The following JMJD1C variants were observed in gnomAD, a reference collection of about 807,000 sequenced individuals.
The protein encoded by JMJD1C is jumonji domain-containing protein 1C.
A neutral mutation model predicts 245.3 loss-of-function variants in JMJD1C; 31 were observed. The observed-to-expected ratio is 0.13, with a 90% CI of 0.09 to 0.17. The LOEUF (loss-of-function observed/expected upper bound fraction) is 0.17. Among genes scored for constraint, JMJD1C ranks in the 10% least tolerant of loss-of-function variants. The pLI, the probability that JMJD1C is intolerant of heterozygous loss-of-function variation, is 1.00. For synonymous variants in JMJD1C, 1,057 were observed against 1,017.4 expected (o/e 1.04, Z -0.74); for missense variants, 2,691 against 3,000.2 (o/e 0.90, Z 2.41).
At chr10:63,347,106 T>A (rs1011857850) in intron 2 of JMJD1C, among the ~76,000 whole-genome samples, 2 of 149,232 alleles carry the variant, frequency 1.3e-5, no homozygotes, top group Non-Finnish European at 3.0e-5. Flanking sequence ...AGTCTCACTC[T>A]GTCACCCAGG....
chr10:63,230,098 T>C (rs1435574314), intron 3 of JMJD1C, among the ~76,000 whole-genome samples: 2 of 152,180 alleles, frequency 1.3e-5, no homozygotes, highest in Non-Finnish European at 2.9e-5. Context: ...ATAAGCTGGG[T>C]GCAGTGGCTC....
chr10:63,276,980 C>A (rs948022485), intron 2 of JMJD1C, among the ~76,000 whole-genome samples: 1 of 147,822 alleles, frequency 6.8e-6, no homozygotes, highest in African/African-American at 2.5e-5. Flanking sequence ...CTCCCGGGTT[C>A]ATGCCATTCT....
chr10:63,277,674 A>T (rs1856931849), intron 2 of JMJD1C, among the ~76,000 whole-genome samples: 1 of 151,372 alleles, frequency 6.6e-6, no homozygotes, highest in African/African-American at 2.4e-5. Flanking sequence ...GAAAATTTTT[A>T]AAAAACAAAT....
At chr10:63,249,742 C>T (rs1035761446) in intron 3 of JMJD1C, among the ~76,000 whole-genome samples, 1 of 151,978 alleles carries the variant, frequency 6.6e-6, no homozygotes, top group Non-Finnish European at 1.5e-5. Context: ...CGCCTGTAGT[C>T]CCAACTACTC....
At chr10:63,365,631 T>C (rs558798713) in intron 2 of JMJD1C, among the ~76,000 whole-genome samples, 2 of 152,278 alleles carry the variant, frequency 1.3e-5, no homozygotes, top group African/African-American at 4.8e-5. Flanking sequence ...ATGCTAAAGA[T>C]GGACTATTTG....
intron 2 of JMJD1C, among the ~76,000 whole-genome samples, chr10:63,328,018 C>T (rs1395955589): frequency 1.3e-5 from 2 of 151,992 alleles, no homozygotes; most frequent in Non-Finnish European, 2.9e-5. Context: ...CTCACGCCTG[C>T]AATCCCAACA....
chr10:63,343,301 G>A (rs1400139545), intron 2 of JMJD1C, among the ~76,000 whole-genome samples: 1 of 151,720 alleles, frequency 6.6e-6, no homozygotes, highest in Non-Finnish European at 1.5e-5. Flanking sequence ...AGAAAGTGGA[G>A]GACACAGTGA....
rs573482460 is a variant in JMJD1C at position 63,341,373 on chromosome 10, A to AG, written c.333+38944_333+38945insC. Among the ~76,000 whole-genome samples, 115 of 152,354 alleles carry AG rather than the reference A, an allele frequency of 7.5e-4. 1 individual carries two copies. The East Asian group carries it at 0.019, about 25-fold the overall frequency. Reference sequence around the variant, plus strand: ...CAATGTTGTGGCGTTACTGCCCTAGAAAGACACTGACTACAGCTGATGAGA... The same window carrying AG: ...CAATGTTGTGGCGTTACTGCCCTAGAGAAGACACTGACTACAGCTGATGAGA... On this transcript the variant is annotated intron_variant, in intron 2 of 25. Coordinates refer to ENST00000399262, the MANE Select transcript of JMJD1C (RefSeq NM_032776.3).
intron 2 of JMJD1C, among the ~76,000 whole-genome samples, chr10:63,321,974 T>G (rs193085512): frequency 1.8e-4 from 27 of 152,318 alleles, no homozygotes; most frequent in African/African-American, 5.5e-4. Flanking sequence ...GAAGCTGACC[T>G]TGGGTGAGGA....
chr10:63,274,152 G>A (rs778579864), intron 2 of JMJD1C, among the ~76,000 whole-genome samples: 4 of 152,128 alleles, frequency 2.6e-5, no homozygotes, highest in African/African-American at 9.7e-5. Flanking sequence ...AACTTGACTG[G>A]CCTTACAAGA....
At chr10:63,267,019 T>C (rs972981827) in intron 2 of JMJD1C, among the ~76,000 whole-genome samples, 3 of 152,160 alleles carry the variant, frequency 2.0e-5, no homozygotes, top group Admixed American at 6.5e-5. Flanking sequence ...AGATGTCTCA[T>C]TGAAAGCCAA....
chr10:63,384,353 A>C (rs1024211244), intron 1 of JMJD1C, among the ~76,000 whole-genome samples: 1 of 152,208 alleles, frequency 6.6e-6, no homozygotes, highest in Non-Finnish European at 1.5e-5. Context: ...GCTCAGATCC[A>C]TCAGAGGAAT....
At chr10:63,346,793 C>A (rs1244945982) in intron 2 of JMJD1C, among the ~76,000 whole-genome samples, 1 of 152,102 alleles carries the variant, frequency 6.6e-6, no homozygotes, top group African/African-American at 2.4e-5. Flanking sequence ...ATCTACTTGG[C>A]TACTATTTTT....
chr10:63,234,551 T>TA (rs531508301), intron 3 of JMJD1C, among the ~76,000 whole-genome samples: 2,113 of 87,984 alleles, frequency 0.024, 46 homozygotes, highest in African/African-American at 0.081. Flanking sequence ...CCCTATCCTA[T>TA]AAAAAAAAAC....
chr10:63,361,034 T>C (rs887608574), intron 2 of JMJD1C, among the ~76,000 whole-genome samples: 2 of 152,262 alleles, frequency 1.3e-5, no homozygotes, highest in African/African-American at 4.8e-5. Flanking sequence ...ATATTAACTT[T>C]GGCTGGTAGC....
chr10:63,499,656 C>G (rs903232677), intron 1 of JMJD1C, among the ~76,000 whole-genome samples: 2 of 151,868 alleles, frequency 1.3e-5, no homozygotes, highest in African/African-American at 4.8e-5. Flanking sequence ...AGGCTATACA[C>G]CCAAATACTA....
chr10:63,491,645 T>A (rs914601227), intron 1 of JMJD1C, among the ~76,000 whole-genome samples: 8 of 152,228 alleles, frequency 5.3e-5, no homozygotes, highest in African/African-American at 1.4e-4. Flanking sequence ...TCTGAAAATT[T>A]GCTTTGGAGT....
intron 1 of JMJD1C, among the ~76,000 whole-genome samples, chr10:63,501,025 A>T (rs61853633): frequency 1 from 152,335 of 152,336 alleles, 76,167 homozygotes; most frequent in Non-Finnish European, 1. Flanking sequence ...ATAATTCCCA[A>T]TTCCTATGGA....
At chr10:63,192,002 A>C (rs1844880210) in intron 16 of JMJD1C, among the ~76,000 whole-genome samples, 1 of 141,736 alleles carries the variant, frequency 7.1e-6, no homozygotes, top group African/African-American at 2.5e-5. Flanking sequence ...AAAAAAAAAA[A>C]AAAAAAACAC....
Sources: gnomAD v4.1 joint callset for allele counts (sites outside exome capture counted in the v4.1 genomes callset) on GRCh38, gnomAD v4.1.1 for gene constraint, MANE v1.5 for transcripts, NCBI Gene and HGNC (gene_info 2026-07-23, HGNC 2026-07-21) for gene names.